The following LTBP4 variants were observed in gnomAD, a reference collection of about 807,000 sequenced individuals.
LTBP4 encodes the protein latent transforming growth factor beta binding protein 4.
LTBP4 carries 93 observed loss-of-function variants against 180.2 expected under a neutral mutation model. The ratio of observed to expected loss-of-function variants is 0.52; its 90% confidence interval spans 0.44 to 0.61. The LOEUF is 0.61. Ranked by LOEUF, LTBP4 falls within the 20% of genes least tolerant of loss-of-function variation. The pLI is 0.00. For missense variants in LTBP4, 2,116 were observed against 2,256.5 expected (o/e 0.94, Z 1.26); for synonymous variants, 947 against 934.5 (o/e 1.01, Z -0.24).
At chr19:40,600,947 A>C (rs1254565829), upstream of LTBP4, among the ~76,000 whole-genome samples, 8 of 152,088 alleles carry the variant, frequency 5.3e-5, no homozygotes, top group African/African-American at 1.9e-4. This position sits in a 1 kb window ranked among gnomAD's most constrained non-coding sequence, Gnocchi z 4.4. Context: ...ATGTACCATG[A>C]TAGCCCCCTA....
intron 1 of LTBP4, 102 bp downstream of exon 1, chr19:40,601,739 T>C (rs1008174440): frequency 1.1e-6 from 1 of 918,942 alleles, no homozygotes; most frequent in Non-Finnish European, 1.5e-6. Context: ...CCAGATTCCA[T>C]ATGCAATAGT....
Position 40,609,971 on chromosome 19 carries a change from TCCCGCCCCAGGA to T in LTBP4, c.1684+102_1684+113del. ...GCCCTCCCACGCTTCCCCTCTCGGG[TCCCGCCCCAGGA>T]CTGCTCTGCCCTGGCCCTTGGCCCT... is the stretch of plus-strand genomic sequence containing the variant. On this transcript the variant is annotated intron_variant, in intron 11 of 29. Transcript: ENST00000396819. The surrounding 1 kb of genome is among the most constrained non-coding windows in gnomAD (Gnocchi z 4.9). 7.0e-7 allele frequency: 1 copy of T among 1,419,754 alleles called. No individual in the cohort carries two copies. Among genetic ancestry groups the T allele is most frequent in the Middle Eastern group, 2.6e-4 (1 of 3,876 alleles). 87.9% of individuals were successfully genotyped at this position (1,419,754 alleles called of 1,614,324 possible).
chr19:40,627,309 C>T lies in LTBP4; in HGVS notation c.4320C>T (p.Arg1440=), dbSNP rs1344037484. 1 of 1,530,888 alleles carries T rather than the reference C, an allele frequency of 6.5e-7. No individual in the cohort carries two copies. Among genetic ancestry groups the T allele is most frequent in the Non-Finnish European group, 8.8e-7 (1 of 1,140,642 alleles). The allele number at this position is 1,530,888 out of a possible 1,614,324, so 94.8% of individuals were successfully genotyped here. Residue 1440 remains arginine (R), a synonymous_variant, in exon 28 of 30, where the codon CGC becomes CGT. Coordinates refer to ENST00000396819, the MANE Select transcript of LTBP4 (RefSeq NM_001042545.2). ...CCTATCGGTCCCGGGACACCCGCCGCTCCTTCCCAGAGCCCGAGGAGCCTC... is the reference window on the plus strand; with the variant it reads ...CCTATCGGTCCCGGGACACCCGCCGTTCCTTCCCAGAGCCCGAGGAGCCTC... ...RWPYRSRDTR[R]SFPEPEEPPE...
Position 40,605,567 on chromosome 19 carries a change from T to C in LTBP4, c.605T>C (p.Val202Ala). 1 of 1,605,844 alleles carries C rather than the reference T, an allele frequency of 6.2e-7. No homozygotes were observed. Among genetic ancestry groups the C allele is most frequent in the East Asian group, 2.2e-5 (1 of 44,748 alleles). Residue 202 changes from valine (V) to alanine (A), a missense_variant, in exon 3 of 30, where the codon GTG becomes GCG. Coordinates refer to ENST00000396819, the MANE Select transcript of LTBP4 (RefSeq NM_001042545.2). This position sits in a 1 kb window ranked among gnomAD's most constrained non-coding sequence, Gnocchi z 5.5. The stretch of plus-strand genomic sequence containing the variant: ...GCGGAGGCGGCAGCGCCCTACACGG[T>C]GTTGGCACAGAGCGCGCCGCGGGAG... ...ARAEAAAPYT[V>A]LAQSAPREDG...
chr19:40,618,352 C>T lies in LTBP4; in HGVS notation c.3071-995C>T, dbSNP rs191344930. Among the ~76,000 whole-genome samples, 729 of 151,898 alleles carry T rather than the reference C, an allele frequency of 4.8e-3. 2 individuals carry two copies. Among genetic ancestry groups the T allele is most frequent in the Admixed American group, 9.8e-3 (149 of 15,214 alleles). ...TTGGCTCACTGCAACCTCCACCTCC[C>T]GGGTTCAAGCAATTCTCCTGCCTCA... On this transcript the variant is annotated intron_variant, in intron 21 of 29. Coordinates refer to ENST00000396819, the MANE Select transcript of LTBP4 (RefSeq NM_001042545.2).
chr19:40,597,303 C>T (rs1314398836), upstream of LTBP4: 1 of 1,525,468 alleles, frequency 6.6e-7, no homozygotes, highest in Admixed American at 2.0e-5. Flanking sequence ...TCTTCGCAGC[C>T]GCCACCTCCG....
chr19:40,604,025 T>C (rs1245895021), intron 1 of LTBP4, among the ~76,000 whole-genome samples: 1 of 152,210 alleles, frequency 6.6e-6, no homozygotes, highest in East Asian at 1.9e-4. Flanking sequence ...TACTGGAGGC[T>C]GTAAGGCCGA....
At chr19:40,600,755 C>T (rs1305735088), upstream of LTBP4, among the ~76,000 whole-genome samples, 1 of 152,152 alleles carries the variant, frequency 6.6e-6, no homozygotes, top group Non-Finnish European at 1.5e-5. The surrounding 1 kb of genome is among the most constrained non-coding windows in gnomAD (Gnocchi z 4.4). Flanking sequence ...CGCCCACAGC[C>T]TCCCTTTATC....
chr19:40,617,874 T>C (rs1467483263), intron 21 of LTBP4, among the ~76,000 whole-genome samples: 1 of 152,178 alleles, frequency 6.6e-6, no homozygotes, highest in Non-Finnish European at 1.5e-5. Flanking sequence ...ACCTACCTAC[T>C]CATGATCTAG....
In LTBP4 at chr19:40,617,032, T is replaced by C. The variant is rs957487787; in HGVS notation, c.2944+12T>C. On this transcript the variant is annotated intron_variant, in intron 20 of 29. Transcript: ENST00000396819. ...GGGCGGATGCCAGGGTGGGTGTCCA[T>C]CAGGCATCGGGTGAGATGTGGAGAT... The C allele has an allele frequency of 6.2e-6, 10 of 1,612,672 alleles. No individual in the cohort carries two copies. The highest frequency in any genetic ancestry group is 8.5e-6 in the Non-Finnish European group (10 of 1,178,860).
rs1290634671 is a variant in LTBP4 at position 40,607,425 on chromosome 19, G to A, written c.1052G>A (p.Cys351Tyr). ...PCFRVLRDGG[C>Y]SLPILRNITK... is the part of the protein sequence containing the mutation. ...TTCCGCGTGCTCCGCGACGGCGGCTGTTCGCTGCCCATTCTGCGGAACATC... is the reference window on the plus strand; with the variant it reads ...TTCCGCGTGCTCCGCGACGGCGGCTATTCGCTGCCCATTCTGCGGAACATC... Residue 351 changes from cysteine (C) to tyrosine (Y), a missense_variant, in exon 7 of 30, where the codon TGT becomes TAT. Transcript: ENST00000396819. The A allele has an allele frequency of 1.9e-6, 3 of 1,613,166 alleles. No homozygotes were observed. Among genetic ancestry groups the A allele is most frequent in the Admixed American group, 1.7e-5 (1 of 59,914 alleles).
chr19:40,598,048 T>C (rs1411060096), upstream of LTBP4, among the ~76,000 whole-genome samples: 1 of 151,986 alleles, frequency 6.6e-6, no homozygotes, highest in Non-Finnish European at 1.5e-5. Context: ...CCTATAGATC[T>C]GGGGGCTATA....
intron 15 of LTBP4, 57 bp downstream of exon 15, chr19:40,612,249 C>A: frequency 6.6e-7 from 1 of 1,524,008 alleles, no homozygotes. Context: ...CGACCCTTGA[C>A]CCAGATCACA....
Position 40,596,212 on chromosome 19 carries a change from G to A in LTBP4, c.17-2985G>A, listed in dbSNP as rs139916611. The stretch of plus-strand genomic sequence containing the variant: ...TGGGATTACAGGCATGAGCCACCGC[G>A]CCCGGCCTAATTTTTGGATTTTTAA... On this transcript the variant is annotated intron_variant, in intron 1 of 32. Transcript: ENST00000204005. Among the ~76,000 whole-genome samples, 656 of 151,786 alleles carry A rather than the reference G, an allele frequency of 4.3e-3. 8 individuals carry two copies. The highest frequency in any genetic ancestry group is 0.015 in the African/African-American group (629 of 41,358).
chr19:40,629,471 C>T lies in LTBP4; in HGVS notation c.4595C>T (p.Ser1532Phe), dbSNP rs199514354. The T allele has an allele frequency of 1.9e-3, 3,126 of 1,609,374 alleles. 3 individuals carry two copies. Among genetic ancestry groups the T allele is most frequent in the Middle Eastern group, 3.8e-3 (23 of 6,052 alleles). Reference protein sequence around the residue: ...VNARCLNTDGSFRCICRPGFA... With the variant: ...VNARCLNTDGFFRCICRPGFA... ...GCGCGTTGCCTCAACACGGATGGCTCCTTCCGCTGCATCTGCCGCCCGGGA... is the reference window on the plus strand; with the variant it reads ...GCGCGTTGCCTCAACACGGATGGCTTCTTCCGCTGCATCTGCCGCCCGGGA... Residue 1532 changes from serine to phenylalanine, a missense_variant, in exon 30 of 30, where the codon TCC (serine) becomes TTC (phenylalanine). Transcript: ENST00000396819. The surrounding 1 kb of genome is among the most constrained non-coding windows in gnomAD (Gnocchi z 4.5).
chr19:40,611,796 G>A lies in LTBP4; in HGVS notation c.2054-63G>A. On this transcript the variant is annotated intron_variant, in intron 13 of 29. Transcript: ENST00000396819. This position sits in a 1 kb window ranked among gnomAD's most constrained non-coding sequence, Gnocchi z 4.4. ...TCAAGACTGGAATGCTGGGGTGGGT[G>A]GTGATGGCCATGGGAATGGATTCAG... The A allele has an allele frequency of 1.3e-6, 2 of 1,550,126 alleles. No individual in the cohort carries two copies. Among genetic ancestry groups the A allele is most frequent in the Non-Finnish European group, 1.7e-6 (2 of 1,143,250 alleles).
At chr19:40,618,313 G>A (rs186500523) in intron 21 of LTBP4, among the ~76,000 whole-genome samples, 48 of 150,744 alleles carry the variant, frequency 3.2e-4, no homozygotes, top group African/African-American at 1.1e-3. Context: ...AGGCTGGAGT[G>A]CAATGGCATG....
chr19:40,625,861 C>A lies in LTBP4; in HGVS notation c.3837C>A (p.Asp1279Glu). 1 of 1,582,914 alleles carries A rather than the reference C, an allele frequency of 6.3e-7. No individual in the cohort carries two copies. The highest frequency in any genetic ancestry group is 2.3e-5 in the East Asian group (1 of 43,274). Residue 1279 changes from aspartate (D) to glutamate (E), a missense_variant, in exon 27 of 30, where the codon GAC (aspartate) becomes GAA (glutamate). This residue lies in a region of LTBP4 where 488 missense variants were observed against 458.8 expected (regional missense o/e 1.06). Coordinates refer to ENST00000396819, the MANE Select transcript of LTBP4 (RefSeq NM_001042545.2). ...CVSNESQSLD[D>E]NLGVCWQEVG... Reference sequence around the variant, plus strand: ...ACATGCTGTCTCCACCTACAGATGACAATCTGGGAGTGTGCTGGCAGGAAG... The same window carrying A: ...ACATGCTGTCTCCACCTACAGATGAAAATCTGGGAGTGTGCTGGCAGGAAG...
rs10403963 is a variant in LTBP4 at position 40,616,765 on chromosome 19, C to T, written c.2813-124C>T. The T allele has an allele frequency of 0.44, 507,615 of 1,162,456 alleles. 114,563 individuals carry two copies. The highest frequency in any genetic ancestry group is 0.66 in the African/African-American group (42,763 of 64,920). 72.0% of individuals were successfully genotyped at this position (1,162,456 alleles called of 1,614,324 possible). On this transcript the variant is annotated intron_variant, in intron 19 of 29. Coordinates refer to ENST00000396819, the MANE Select transcript of LTBP4 (RefSeq NM_001042545.2). Reference sequence around the variant, plus strand: ...CAAAGTTTTCAACATTGTTGATCTTCAGAAGCTCAGGCTCCTAGAATACCA... The same window carrying T: ...CAAAGTTTTCAACATTGTTGATCTTTAGAAGCTCAGGCTCCTAGAATACCA...
Sources: gnomAD v4.1 joint callset for allele counts (sites outside exome capture counted in the v4.1 genomes callset) on GRCh38, gnomAD v4.1.1 for gene constraint, gnomAD v4.1.1 regional missense constraint, Gnocchi (gnomAD v3.1) non-coding constraint, MANE v1.5 for transcripts, NCBI Gene and HGNC (gene_info 2026-07-23, HGNC 2026-07-21) for gene names.